Variants in CYTH3 observed in about 807,000 individuals in gnomAD.
CYTH3 encodes the protein cytohesin 3, also known as cytohesin-3.
In CYTH3, 23 loss-of-function variants were observed where a neutral mutation model predicts 55.1. The ratio of observed to expected loss-of-function variants is 0.42; its 90% confidence interval spans 0.30 to 0.59. The LOEUF (loss-of-function observed/expected upper bound fraction) is 0.59, where lower values mean the gene tolerates loss of function less well. Ranked by LOEUF, CYTH3 falls within the 20% of genes least tolerant of loss-of-function variation. The probability of loss-of-function intolerance (pLI) is 0.20; values close to 1 mark genes in which losing one functional copy is unlikely to be tolerated. For missense variants in CYTH3, 413 were observed against 524.8 expected (o/e 0.79, Z 2.08); for synonymous variants, 249 against 194.9 (o/e 1.28, Z -2.31).
chr7:6,198,557 T>G (rs973624463), intron 1 of CYTH3, among the ~76,000 whole-genome samples: 2 of 152,200 alleles, frequency 1.3e-5, no homozygotes, highest in African/African-American at 2.4e-5. Context: ...TCAATCAAAG[T>G]TATCTAAGGC....
At chr7:6,225,756 T>C (rs1779233904) in intron 1 of CYTH3, among the ~76,000 whole-genome samples, 1 of 151,884 alleles carries the variant, frequency 6.6e-6, no homozygotes, top group African/African-American at 2.4e-5. Context: ...CTCAGCTCAC[T>C]GCAACCTCCG....
rs1462140115 is a variant in CYTH3, at chr7:6,171,321, A to C, written c.450-7T>G. On this transcript the variant is annotated splice_polypyrimidine_tract_variant and splice_region_variant and intron_variant, in intron 6 of 12. Coordinates refer to ENST00000350796, the MANE Select transcript of CYTH3 (RefSeq NM_004227.4). This position sits in a 1 kb window ranked among gnomAD's most constrained non-coding sequence, Gnocchi z 6.7. ...GAAGCTCCATAAGAACTGCCTGTGGAGACACCAAAGCCATGGGAAGCCGCA... is the reference window on the plus strand; with the variant it reads ...GAAGCTCCATAAGAACTGCCTGTGGCGACACCAAAGCCATGGGAAGCCGCA... The C allele has an allele frequency of 6.2e-7, 1 of 1,613,898 alleles. No homozygotes were observed. Among genetic ancestry groups the C allele is most frequent in the East Asian group, 2.2e-5 (1 of 44,874 alleles).
At chr7:6,222,607 C>T (rs1254688048) in intron 1 of CYTH3, among the ~76,000 whole-genome samples, 1 of 151,824 alleles carries the variant, frequency 6.6e-6, no homozygotes, top group South Asian at 2.1e-4. Flanking sequence ...ATTAGCCGGG[C>T]GTGGTGGCGG....
In CYTH3 at chr7:6,169,945, G is replaced by GCAC. The variant is rs1269023115; in HGVS notation, c.823+587_823+589dup. On this transcript the variant is annotated intron_variant, in intron 9 of 12. Coordinates refer to ENST00000350796, the MANE Select transcript of CYTH3 (RefSeq NM_004227.4). The surrounding 1 kb of genome is among the most constrained non-coding windows in gnomAD (Gnocchi z 4.1). ...GTGGGTGTAGCATTCACCACACCGT[G>GCAC]CACGGCGCAGCCCCAGCAAGTCCAC... 6.4e-6 allele frequency: 1 copy of GCAC among 155,122 alleles called. No individual in the cohort carries two copies. The highest frequency in any genetic ancestry group is 1.9e-4 in the East Asian group (1 of 5,220). 9.6% of individuals were successfully genotyped at this position (155,122 alleles called of 1,614,324 possible). A position where few individuals can be genotyped will look rare whatever the true frequency, so the allele number is the denominator to read the frequency against.
intron 1 of CYTH3, among the ~76,000 whole-genome samples, chr7:6,198,379 G>A (rs1011254437): frequency 1.4e-5 from 2 of 143,206 alleles, no homozygotes; most frequent in Admixed American, 6.9e-5. Flanking sequence ...GTTTAGTGAC[G>A]TTCTATCAGT....
At chr7:6,166,008 C>T (rs1052446440) in intron 9 of CYTH3, among the ~76,000 whole-genome samples, 198 bp from the exon 10 acceptor site, 15 of 152,236 alleles carry the variant, frequency 9.9e-5, no homozygotes, top group African/African-American at 2.9e-4. Flanking sequence ...GCCCCCTCCA[C>T]GGCACTGATG....
chr7:6,172,807 TTA>T (rs2128538223), intron 6 of CYTH3: 1 of 1,282,508 alleles, frequency 7.8e-7, no homozygotes, highest in Non-Finnish European at 1.0e-6. Context: ...TGCAGGATTC[TTA>T]TATGTTGCGA....
rs184895661 is a variant in CYTH3 at position 6,233,898 on chromosome 7, C to A, written c.34+38576G>T. 4.6e-5 allele frequency among the ~76,000 whole-genome samples: 7 copies of A among 151,124 alleles called. No individual in the cohort carries two copies. In the East Asian group the frequency reaches 1.2e-3, roughly 25 times the overall value. On this transcript the variant is annotated intron_variant, in intron 1 of 12. Transcript: ENST00000350796. ...TTCAGTGTGTGGTGAGGGCTGCTCT[C>A]TGGTTCTTGCACAGCTGCCTTTTCT...
intron 4 of CYTH3, among the ~76,000 whole-genome samples, chr7:6,182,069 C>CA (rs1783517040): frequency 6.6e-6 from 1 of 151,842 alleles, no homozygotes; most frequent in Non-Finnish European, 1.5e-5. Flanking sequence ...TTTTTTGAGA[C>CA]AGAGTTTTGC....
chr7:6,264,174 G>T (rs1205228255), intron 1 of CYTH3, among the ~76,000 whole-genome samples: 1 of 151,898 alleles, frequency 6.6e-6, no homozygotes, highest in Non-Finnish European at 1.5e-5. Flanking sequence ...TTGAATCCAG[G>T]AAGCGGAGGT....
At chr7:6,242,951 T>C (rs1460542693) in intron 1 of CYTH3, among the ~76,000 whole-genome samples, 1 of 152,122 alleles carries the variant, frequency 6.6e-6, no homozygotes, top group Non-Finnish European at 1.5e-5. Context: ...GAGGGAGACC[T>C]GGGTTCCACA....
chr7:6,218,038 C>T (rs1324047485), intron 1 of CYTH3, among the ~76,000 whole-genome samples: 1 of 151,818 alleles, frequency 6.6e-6, no homozygotes, highest in Admixed American at 6.6e-5. Context: ...CAAAAATTAG[C>T]CAGGTATGGT....
intron 1 of CYTH3, among the ~76,000 whole-genome samples, chr7:6,255,202 G>C (rs1032320103): frequency 6.6e-6 from 1 of 152,280 alleles, no homozygotes. Context: ...CAGAGCTGCA[G>C]ATATTTACTT....
At chr7:6,216,090 GA>G (rs1478718488) in intron 1 of CYTH3, among the ~76,000 whole-genome samples, 3 of 152,216 alleles carry the variant, frequency 2.0e-5, no homozygotes, top group African/African-American at 7.2e-5. Flanking sequence ...AAGTCATCTT[GA>G]AATATTAGAA....
intron 1 of CYTH3, among the ~76,000 whole-genome samples, chr7:6,195,278 A>T (rs1451459234): frequency 6.6e-6 from 1 of 152,190 alleles, no homozygotes; most frequent in African/African-American, 2.4e-5. Context: ...AAAGCAAAAA[A>T]ATTTTGCAAA....
intron 3 of CYTH3, 149 bp downstream of exon 3, chr7:6,187,508 C>G (rs751542613): frequency 2.8e-6 from 2 of 723,148 alleles, no homozygotes; most frequent in Non-Finnish European, 2.5e-6. Flanking sequence ...GACCCCTCCA[C>G]GCAGAGTAGG....
chr7:6,221,161 A>G (rs865926949), intron 1 of CYTH3, among the ~76,000 whole-genome samples: 2 of 152,220 alleles, frequency 1.3e-5, no homozygotes, highest in African/African-American at 4.8e-5. Flanking sequence ...CCAAAGTTCT[A>G]CAATAGGTGG....
chr7:6,245,235 T>G (rs1354069540), intron 1 of CYTH3, among the ~76,000 whole-genome samples: 1 of 152,030 alleles, frequency 6.6e-6, no homozygotes, highest in African/African-American at 2.4e-5. Context: ...CTGTGTTATA[T>G]GGTTCTAGGT....
In CYTH3 at chr7:6,223,826, CAATA is replaced by C. The variant is rs1156762856; in HGVS notation, c.35-33299_35-33296del. Among the ~76,000 whole-genome samples, 5 of 44,516 alleles carry C rather than the reference CAATA, an allele frequency of 1.1e-4. No homozygotes were observed. In the Admixed American group the frequency reaches 1.6e-3, roughly 14 times the overall value. The allele number at this position is 44,516 out of a possible 152,430, so 29.2% of individuals were successfully genotyped here. A position where few individuals can be genotyped will look rare whatever the true frequency, so the allele number is the denominator to read the frequency against. ...TCTCTGAGAAACACCCAAGAATGAT[CAATA>C]AATACTAAAAAAAAAAAAAAAAAAA... On this transcript the variant is annotated intron_variant, in intron 1 of 12. Transcript: ENST00000350796.
Sources: allele counts gnomAD v4.1 joint callset (sites outside exome capture counted in the v4.1 genomes callset), GRCh38; gene constraint gnomAD v4.1.1; non-coding constraint Gnocchi (gnomAD v3.1); transcripts MANE v1.5; gene names NCBI Gene and HGNC (gene_info 2026-07-23, HGNC 2026-07-21).